The following AKAP13 variants were observed in gnomAD, a reference collection of about 807,000 sequenced individuals.
AKAP13 encodes the protein A-kinase anchoring protein 13.
In AKAP13, 80 loss-of-function variants were observed where a neutral mutation model predicts 264.5. That is an observed-to-expected ratio of 0.30 (90% CI 0.25 to 0.36). The LOEUF (loss-of-function observed/expected upper bound fraction) is 0.36. Among genes scored for constraint, AKAP13 ranks in the 10% least tolerant of loss-of-function variants. AKAP13 has a pLI of 1.00. For synonymous variants in AKAP13, 1,380 were observed against 1,250.2 expected (o/e 1.10, Z -2.19); for missense variants, 3,712 against 3,435.2 (o/e 1.08, Z -2.01).
At chr15:85,503,930 G>A (rs1487963484) in intron 2 of AKAP13, among the ~76,000 whole-genome samples, 1 of 152,138 alleles carries the variant, frequency 6.6e-6, no homozygotes, top group African/African-American at 2.4e-5. Flanking sequence ...TGATGCTGGA[G>A]GGGTCAGTGA....
intron 5 of AKAP13, among the ~76,000 whole-genome samples, chr15:85,570,189 G>A (rs1239299638): frequency 1.3e-5 from 2 of 151,898 alleles, no homozygotes; most frequent in African/African-American, 4.8e-5. Flanking sequence ...GGTGGCTGAC[G>A]CCTGTAATCC....
chr15:85,545,387 G>A (rs2077701129), intron 5 of AKAP13, among the ~76,000 whole-genome samples: 1 of 152,248 alleles, frequency 6.6e-6, no homozygotes, highest in African/African-American at 2.4e-5. Flanking sequence ...GATTACAACA[G>A]CTTCATTATA....
intron 5 of AKAP13, among the ~76,000 whole-genome samples, chr15:85,567,239 C>T (rs2078637682): frequency 6.6e-6 from 1 of 152,010 alleles, no homozygotes; most frequent in Non-Finnish European, 1.5e-5. Context: ...TCCCGAGTAG[C>T]TGGGACTACA....
At chr15:85,653,976 C>T (rs376863993) in intron 10 of AKAP13, among the ~76,000 whole-genome samples, 1 of 152,208 alleles carries the variant, frequency 6.6e-6, no homozygotes, top group Non-Finnish European at 1.5e-5. Context: ...CTCAGCCTCC[C>T]CAGTAGCTGG....
chr15:85,689,771 G>A (rs1597070580), intron 16 of AKAP13: 2 of 152,344 alleles, frequency 1.3e-5, no homozygotes, highest in South Asian at 2.1e-4. Context: ...CACACACACT[G>A]TTTTTGGGGG....
rs538474802 is a variant in AKAP13 at position 85,635,861 on chromosome 15, G to C, written c.4162-3513G>C. 1.4e-4 allele frequency among the ~76,000 whole-genome samples: 21 copies of C among 152,202 alleles called. No homozygotes were observed. The South Asian group carries it at 4.4e-3, about 32-fold the overall frequency. The stretch of plus-strand genomic sequence containing the variant: ...CTCATTAAAATATCTTGGCATCTTT[G>C]TCAGGAATCAATGGGCCATATCTGT... On this transcript the variant is annotated intron_variant, in intron 8 of 36. Transcript: ENST00000394518.
chr15:85,666,988 G>A (rs919911536), intron 13 of AKAP13, among the ~76,000 whole-genome samples: 3 of 151,996 alleles, frequency 2.0e-5, no homozygotes, highest in Admixed American at 6.6e-5. Flanking sequence ...ATTAATTTAC[G>A]AAAGCATTCT....
At chr15:85,383,948 A>G (rs2070422488) in intron 1 of AKAP13, among the ~76,000 whole-genome samples, 1 of 152,210 alleles carries the variant, frequency 6.6e-6, no homozygotes, top group African/African-American at 2.4e-5. Flanking sequence ...TCAAGATAAC[A>G]CTTTAAAGGT....
At chr15:85,650,668 A>C (rs2082763325) in intron 10 of AKAP13, among the ~76,000 whole-genome samples, 1 of 144,910 alleles carries the variant, frequency 6.9e-6, no homozygotes, top group African/African-American at 2.6e-5. Flanking sequence ...AGGCAGGAGA[A>C]TCATTCGAAC....
chr15:85,692,484 G>C (rs927124456), intron 16 of AKAP13, among the ~76,000 whole-genome samples: 1 of 149,364 alleles, frequency 6.7e-6, no homozygotes. Context: ...TAGTAGTAGT[G>C]GTGGTGGTGG....
intron 14 of AKAP13, among the ~76,000 whole-genome samples, chr15:85,672,741 T>C (rs148569611): frequency 6.6e-6 from 1 of 152,372 alleles, no homozygotes; most frequent in African/African-American, 2.4e-5. Flanking sequence ...TAATGTGATG[T>C]GGCTTAAATC....
intron 1 of AKAP13, chr15:85,415,382 C>A: frequency 1.2e-6 from 2 of 1,600,612 alleles, no homozygotes; most frequent in Admixed American, 1.7e-5. Flanking sequence ...GCAAAAACCT[C>A]ACCATAAAAA....
In AKAP13 at chr15:85,691,901, C is replaced by G. The variant is rs116923085; in HGVS notation, c.5290-1376C>G. On this transcript the variant is annotated intron_variant, in intron 16 of 36. Coordinates refer to ENST00000394518, the MANE Select transcript of AKAP13 (RefSeq NM_007200.5). Reference sequence around the variant, plus strand: ...GGCGTAGGAAGCTTATCTTTCCAACCTAGGGACACTGCCTGCTTTTCCTGC... The same window carrying G: ...GGCGTAGGAAGCTTATCTTTCCAACGTAGGGACACTGCCTGCTTTTCCTGC... 1,713 of 480,462 alleles carry G rather than the reference C, an allele frequency of 3.6e-3. 8 individuals are homozygous for G. Among genetic ancestry groups the G allele is most frequent in the Non-Finnish European group, 5.1e-3 (1,233 of 240,706 alleles). 29.8% of individuals were successfully genotyped at this position (480,462 alleles called of 1,614,324 possible). A position where few individuals can be genotyped will look rare whatever the true frequency, so the allele number is the denominator to read the frequency against.
At chr15:85,401,290 A>G (rs936492571) in intron 1 of AKAP13, among the ~76,000 whole-genome samples, 3 of 87,396 alleles carry the variant, frequency 3.4e-5, no homozygotes, top group African/African-American at 1.4e-4. Context: ...TTTATGTAGT[A>G]TACCTGATTA....
At position 85,610,141 on chromosome 15, in the gene AKAP13, C is replaced by T. The variant is rs79184448; in HGVS notation, c.4161+24318C>T. On this transcript the variant is annotated intron_variant, in intron 8 of 36. Coordinates refer to ENST00000394518, the MANE Select transcript of AKAP13 (RefSeq NM_007200.5). ...ATTCATTAGTTTGCTACTAATTGAC[C>T]GTGGCATGCTGATGACAACGAGATC... is the stretch of plus-strand genomic sequence containing the variant. 6.7e-3 allele frequency among the ~76,000 whole-genome samples: 1,024 copies of T among 152,202 alleles called. 10 individuals are homozygous for T. The highest frequency in any genetic ancestry group is 0.024 in the African/African-American group (981 of 41,518).
At chr15:85,631,942 C>T in intron 8 of AKAP13, among the ~76,000 whole-genome samples, 1 of 152,024 alleles carries the variant, frequency 6.6e-6, no homozygotes, top group East Asian at 1.9e-4. Flanking sequence ...TAAGTTGTCT[C>T]TTTGTGGTCG....
intron 19 of AKAP13, among the ~76,000 whole-genome samples, chr15:85,715,238 T>C (rs974560377): frequency 3.9e-5 from 6 of 152,200 alleles, no homozygotes; most frequent in African/African-American, 1.4e-4. Flanking sequence ...TAGATCTATC[T>C]GTGTCAGTAC....
At chr15:85,549,898 A>T (rs2077892862) in intron 5 of AKAP13, among the ~76,000 whole-genome samples, 1 of 152,180 alleles carries the variant, frequency 6.6e-6, no homozygotes, top group South Asian at 2.1e-4. Flanking sequence ...ACCATTTTAC[A>T]TATGGTAAGT....
At position 85,555,554 on chromosome 15, in the gene AKAP13, T is replaced by G. The variant is rs896428456; in HGVS notation, c.662+11599T>G. The G allele has an allele frequency of 9.8e-6, 11 of 1,125,092 alleles. No homozygotes were observed. The African/African-American group carries it at 1.6e-4, about 16-fold the overall frequency. 69.7% of individuals were successfully genotyped at this position (1,125,092 alleles called of 1,614,324 possible). ...TCATTGTTTATTCTCTGACATTTTCTCTGGCTTTTTGCTGTAACTCAACCT... is the reference window on the plus strand; with the variant it reads ...TCATTGTTTATTCTCTGACATTTTCGCTGGCTTTTTGCTGTAACTCAACCT... On this transcript the variant is annotated intron_variant, in intron 5 of 36. Coordinates refer to ENST00000394518, the MANE Select transcript of AKAP13 (RefSeq NM_007200.5).
Sources: gnomAD v4.1 joint callset for allele counts (sites outside exome capture counted in the v4.1 genomes callset) on GRCh38, gnomAD v4.1.1 for gene constraint, MANE v1.5 for transcripts, NCBI Gene and HGNC (gene_info 2026-07-23, HGNC 2026-07-21) for gene names.